The following GLP2R variants were observed in gnomAD, a reference collection of about 807,000 sequenced individuals.
GLP2R encodes glucagon like peptide 2 receptor.
A neutral mutation model predicts 68.2 loss-of-function variants in GLP2R; 59 were observed. The observed-to-expected ratio is 0.87, with a 90% CI of 0.70 to 1.07. The LOEUF is 1.07. Among genes scored for constraint, GLP2R ranks in the 50% least tolerant of loss-of-function variants. GLP2R has a pLI of 0.00. For synonymous variants in GLP2R, 270 were observed against 265.4 expected (o/e 1.02, Z -0.17); for missense variants, 548 against 677.4 (o/e 0.81, Z 2.12).
intron 9 of GLP2R, 140 bp downstream of exon 9, chr17:9,862,230 G>A: frequency 2.9e-6 from 2 of 681,488 alleles, no homozygotes; most frequent in Non-Finnish European, 5.3e-6. Flanking sequence ...TCTGCTGAAT[G>A]AGAAGTTAGA....
In GLP2R at chr17:9,889,467, G is replaced by A; in HGVS notation, c.1424G>A (p.Gly475Glu). Reference sequence around the variant, plus strand: ...CTGGGGAAGGACTTCCGGTTCCTAGGAAAATGTCCCAAGAAGCTCTCGGAA... The same window carrying A: ...CTGGGGAAGGACTTCCGGTTCCTAGAAAAATGTCCCAAGAAGCTCTCGGAA... ...CVLGKDFRFLGKCPKKLSEGD... is the reference protein window; with the variant it reads ...CVLGKDFRFLEKCPKKLSEGD... The change falls in exon 13 of 13, where the codon GGA becomes GAA. Residue 475 changes from glycine (G) to glutamate (E), a missense_variant. Gly to Glu is a moderately conservative substitution (Grantham distance 98, BLOSUM62 -2). Coordinates refer to ENST00000262441, the MANE Select transcript of GLP2R (RefSeq NM_004246.3). The A allele has an allele frequency of 1.2e-6, 2 of 1,614,134 alleles. No individual in the cohort carries two copies. The highest frequency in any genetic ancestry group is 1.7e-6 in the Non-Finnish European group (2 of 1,179,952).
chr17:9,833,914 A>T lies in GLP2R; in HGVS notation c.277+20A>T, dbSNP rs202161708. On this transcript the variant is annotated intron_variant, in intron 2 of 12. Coordinates refer to ENST00000262441, the MANE Select transcript of GLP2R (RefSeq NM_004246.3). ...CTTCTGGTAAGCATGTGTATTAGTT[A>T]TCCGTGGCTGTGTAACAAATTGCCC... 2.0e-4 allele frequency: 304 copies of T among 1,488,160 alleles called. No homozygotes were observed. Among genetic ancestry groups the T allele is most frequent in the Non-Finnish European group, 2.5e-4 (261 of 1,064,876 alleles). 92.2% of individuals were successfully genotyped at this position (1,488,160 alleles called of 1,614,324 possible).
chr17:9,889,884 C>T lies in GLP2R; in HGVS notation c.*179C>T, dbSNP rs2067276842. The T allele has an allele frequency of 1.6e-6, 1 of 640,194 alleles. No homozygotes were observed. Among genetic ancestry groups the T allele is most frequent in the South Asian group, 1.7e-5 (1 of 57,760 alleles). 39.7% of individuals were successfully genotyped at this position (640,194 alleles called of 1,614,324 possible). The stretch of plus-strand genomic sequence containing the variant: ...GCTCTGTATGAAAGAGGCTGTGTGT[C>T]ATGCTCACAGCCTCTGCCTGCTCTT... On this transcript the variant is annotated 3_prime_UTR_variant, in exon 13 of 13. Coordinates refer to ENST00000262441, the MANE Select transcript of GLP2R (RefSeq NM_004246.3).
chr17:9,850,924 C>T (rs182684697), intron 4 of GLP2R, among the ~76,000 whole-genome samples: 1 of 152,156 alleles, frequency 6.6e-6, no homozygotes, highest in East Asian at 1.9e-4. Context: ...AACTCCTGAA[C>T]TCAGGTGATC....
intron 3 of GLP2R, among the ~76,000 whole-genome samples, chr17:9,837,381 G>A (rs1409234020): frequency 6.6e-6 from 1 of 152,162 alleles, no homozygotes; most frequent in African/African-American, 2.4e-5. Flanking sequence ...GAAGCTTCTA[G>A]AGTACAGATC....
intron 4 of GLP2R, among the ~76,000 whole-genome samples, chr17:9,852,136 G>A (rs1190947373): frequency 5.9e-5 from 9 of 151,358 alleles, no homozygotes; most frequent in Non-Finnish European, 8.8e-5. Context: ...CATGTGCCAT[G>A]GTGGTTTGCT....
At chr17:9,887,603 A>G (rs1483906618) in intron 11 of GLP2R, among the ~76,000 whole-genome samples, 1 of 152,158 alleles carries the variant, frequency 6.6e-6, no homozygotes, top group African/African-American at 2.4e-5. Flanking sequence ...ACCTTGCCCA[A>G]TATTTGTATA....
At position 9,886,279 on chromosome 17, in the gene GLP2R, C is replaced by T. The variant is rs182114820; in HGVS notation, c.1285-1653C>T. Among the ~76,000 whole-genome samples the T allele has an allele frequency of 3.2e-4, 49 of 152,326 alleles. No homozygotes were observed. The East Asian group carries it at 8.5e-3, about 26-fold the overall frequency. ...TGCTATCAGTGGAGCTTTGGAGAGACTGCCAAACAGCGGTGACATATGAAG... is the reference window on the plus strand; with the variant it reads ...TGCTATCAGTGGAGCTTTGGAGAGATTGCCAAACAGCGGTGACATATGAAG... On this transcript the variant is annotated intron_variant, in intron 11 of 12. Coordinates refer to ENST00000262441, the MANE Select transcript of GLP2R (RefSeq NM_004246.3).
intron 6 of GLP2R, among the ~76,000 whole-genome samples, chr17:9,859,641 A>G (rs1329418237): frequency 1.3e-5 from 2 of 148,358 alleles, no homozygotes; most frequent in Non-Finnish European, 3.0e-5. Context: ...AAAAAAATAT[A>G]TATATATATA....
chr17:9,884,453 C>T (rs1174189730), intron 11 of GLP2R, among the ~76,000 whole-genome samples: 3 of 152,180 alleles, frequency 2.0e-5, no homozygotes, highest in African/African-American at 7.2e-5. Context: ...CCTGTAACCA[C>T]TATGCCATAG....
intron 11 of GLP2R, among the ~76,000 whole-genome samples, chr17:9,881,538 G>A (rs1216125555): frequency 6.8e-5 from 10 of 146,036 alleles, no homozygotes; most frequent in Admixed American, 2.7e-4. Context: ...CCGCCACTAC[G>A]CCCGGCTAAT....
chr17:9,838,859 G>A (rs1407434035), intron 3 of GLP2R, among the ~76,000 whole-genome samples: 1 of 152,222 alleles, frequency 6.6e-6, no homozygotes, highest in Non-Finnish European at 1.5e-5. Flanking sequence ...AAGGAGCTTG[G>A]TAATATCAGA....
intron 4 of GLP2R, among the ~76,000 whole-genome samples, chr17:9,845,641 C>T (rs2066829844): frequency 6.6e-6 from 1 of 152,132 alleles, no homozygotes; most frequent in South Asian, 2.1e-4. Flanking sequence ...CTCTCTGGTT[C>T]AGTCCTAGGG....
At chr17:9,874,226 C>G (rs900300145) in intron 10 of GLP2R, among the ~76,000 whole-genome samples, 1 of 152,200 alleles carries the variant, frequency 6.6e-6, no homozygotes, top group Non-Finnish European at 1.5e-5. Context: ...AATCAAGATA[C>G]TGGGGAGACC....
intron 10 of GLP2R, among the ~76,000 whole-genome samples, chr17:9,878,792 T>C (rs1231277303): frequency 6.6e-6 from 1 of 152,204 alleles, no homozygotes; most frequent in Non-Finnish European, 1.5e-5. Context: ...AGTAAGCTCT[T>C]GTTCTCGTAC....
chr17:9,848,867 T>TTG (rs144324194), intron 4 of GLP2R, among the ~76,000 whole-genome samples: 49,330 of 139,134 alleles, frequency 0.35, 9,057 homozygotes, highest in East Asian at 0.73. Flanking sequence ...TTAAAGGAGA[T>TTG]TGTGTGTGTG....
chr17:9,836,884 C>T (rs989315930), intron 3 of GLP2R, among the ~76,000 whole-genome samples: 1 of 151,932 alleles, frequency 6.6e-6, no homozygotes, highest in Non-Finnish European at 1.5e-5. Flanking sequence ...GAATCTCGCT[C>T]TGTCGCCCAG....
At chr17:9,837,348 C>G (rs906152854) in intron 3 of GLP2R, among the ~76,000 whole-genome samples, 1 of 152,160 alleles carries the variant, frequency 6.6e-6, no homozygotes, top group Admixed American at 6.6e-5. Context: ...TTAGATCTTA[C>G]AAATAAGTAG....
chr17:9,827,295 C>T (rs1169471628), intron 1 of GLP2R, among the ~76,000 whole-genome samples: 4 of 152,156 alleles, frequency 2.6e-5, no homozygotes, highest in African/African-American at 9.7e-5. Flanking sequence ...TTGCTCTGCA[C>T]TGGGTTGAGT....
Sources: allele counts gnomAD v4.1 joint callset (sites outside exome capture counted in the v4.1 genomes callset), GRCh38; gene constraint gnomAD v4.1.1; transcripts MANE v1.5; gene names NCBI Gene and HGNC (gene_info 2026-07-23, HGNC 2026-07-21).